EIF4G3: variants seen among roughly 807,000 people sequenced by gnomAD.
EIF4G3 encodes eukaryotic translation initiation factor 4 gamma 3.
EIF4G3 carries 34 observed loss-of-function variants against 186.4 expected under a neutral mutation model. The ratio of observed to expected loss-of-function variants is 0.18; its 90% CI spans 0.14 to 0.24. The LOEUF is 0.24. Among genes scored for constraint, EIF4G3 ranks in the 10% least tolerant of loss-of-function variants. The pLI is 1.00. For synonymous variants in EIF4G3, 673 were observed against 679.5 expected, an observed-to-expected ratio of 0.99 and a Z score of 0.15; for missense variants, 1,536 against 1,948.5, an observed-to-expected ratio of 0.79 and a Z score of 3.99.
intron 14 of EIF4G3, chr1:20,941,143 G>T: frequency 1.5e-6 from 2 of 1,356,238 alleles, no homozygotes; most frequent in Non-Finnish European, 2.0e-6. Flanking sequence ...GACCATCCTG[G>T]TTTTTTGTTT....
intron 19 of EIF4G3, among the ~76,000 whole-genome samples, chr1:20,885,475 G>C (rs986034476): frequency 1.3e-5 from 2 of 152,176 alleles, no homozygotes; most frequent in East Asian, 3.8e-4. Flanking sequence ...CATGGTGAGA[G>C]AAAAGATATA....
intron 33 of EIF4G3, among the ~76,000 whole-genome samples, chr1:20,821,662 C>T (rs922004287): frequency 2.0e-5 from 3 of 150,330 alleles, no homozygotes; most frequent in Admixed American, 2.0e-4. Flanking sequence ...CACCACCTTC[C>T]CTATTACGTA....
intron 14 of EIF4G3, among the ~76,000 whole-genome samples, chr1:20,911,515 C>T (rs1462424231): frequency 7.2e-6 from 1 of 138,160 alleles, no homozygotes; most frequent in South Asian, 2.3e-4. Flanking sequence ...GAGCTATGAC[C>T]GTGCCACTGT....
At chr1:20,957,905 T>A (rs1395013584) in intron 12 of EIF4G3, among the ~76,000 whole-genome samples, 1 of 152,084 alleles carries the variant, frequency 6.6e-6, no homozygotes, top group Non-Finnish European at 1.5e-5. Flanking sequence ...TCAGTAATTT[T>A]AAAATTTCCA....
chr1:20,879,185 G>A (rs985095755), intron 20 of EIF4G3, 138 bp downstream of exon 20: 2 of 597,588 alleles, frequency 3.3e-6, no homozygotes, highest in Non-Finnish European at 5.1e-6. Flanking sequence ...CTTTAATAAT[G>A]AGAATATTAT....
At chr1:21,097,624 T>C (rs1461770816) in intron 2 of EIF4G3, among the ~76,000 whole-genome samples, 1 of 152,044 alleles carries the variant, frequency 6.6e-6, no homozygotes, top group East Asian at 1.9e-4. Context: ...TAAAAACAAA[T>C]CAATGAACAG....
Position 20,817,552 on chromosome 1 carries a change from G to A in EIF4G3, c.4369-14C>T, listed in dbSNP as rs200856702. Reference sequence around the variant, plus strand: ...GAAGTCCAACTTCTGAAACATAAAAGGTGGAACATATTAATATATTAATAT... The same window carrying A: ...GAAGTCCAACTTCTGAAACATAAAAAGTGGAACATATTAATATATTAATAT... On this transcript the variant is annotated splice_polypyrimidine_tract_variant and intron_variant, in intron 33 of 36. Coordinates refer to ENST00000602326, the MANE Select transcript of EIF4G3 (RefSeq NM_001391906.1). 4.9e-5 allele frequency: 76 copies of A among 1,539,368 alleles called. No homozygotes were observed. The Admixed American group carries it at 7.1e-4, about 14-fold the overall frequency.
At chr1:21,132,950 T>C (rs1016877909) in intron 2 of EIF4G3, among the ~76,000 whole-genome samples, 1 of 151,412 alleles carries the variant, frequency 6.6e-6, no homozygotes, top group South Asian at 2.1e-4. Context: ...GCCCAGCTAA[T>C]TTTTGTATTT....
intron 4 of EIF4G3, among the ~76,000 whole-genome samples, chr1:21,035,698 G>A (rs1461253871): frequency 1.3e-5 from 2 of 152,254 alleles, no homozygotes; most frequent in Admixed American, 6.5e-5. Flanking sequence ...TAGCCTGTGG[G>A]CATCCCTTGG....
At chr1:21,061,639 G>A (rs2094917814) in intron 3 of EIF4G3, among the ~76,000 whole-genome samples, 1 of 151,846 alleles carries the variant, frequency 6.6e-6, no homozygotes, top group African/African-American at 2.4e-5. Context: ...AAAAGGCAAA[G>A]CTAAAATTTA....
chr1:21,095,390 CT>C (rs1161787810), intron 2 of EIF4G3, among the ~76,000 whole-genome samples: 1 of 152,188 alleles, frequency 6.6e-6, no homozygotes, highest in African/African-American at 2.4e-5. Context: ...TCACAGCTGA[CT>C]GCAGCCTCAA....
chr1:20,880,475 A>G (rs1222166131), intron 19 of EIF4G3, among the ~76,000 whole-genome samples: 1 of 152,208 alleles, frequency 6.6e-6, no homozygotes, highest in Non-Finnish European at 1.5e-5. Flanking sequence ...GCAAAAGGTC[A>G]GGCGTGGTGG....
intron 11 of EIF4G3, 62 bp from the exon 12 acceptor site, chr1:20,969,658 A>T: frequency 1.3e-6 from 2 of 1,543,622 alleles, no homozygotes; most frequent in Non-Finnish European, 1.8e-6. Context: ...ATTTATAGGC[A>T]TATAAGTGAG....
chr1:21,170,262 G>A (rs1042089480), intron 2 of EIF4G3, among the ~76,000 whole-genome samples: 2 of 152,138 alleles, frequency 1.3e-5, no homozygotes, highest in African/African-American at 4.8e-5. Flanking sequence ...TATTCTAGGT[G>A]CTAGCAATTC....
intron 22 of EIF4G3, among the ~76,000 whole-genome samples, chr1:20,863,378 T>TAAA (rs3051243): frequency 5.9e-5 from 6 of 102,472 alleles, no homozygotes; most frequent in African/African-American, 1.6e-4. Flanking sequence ...CTACAAAAAG[T>TAAA]AAAAAAAAAA....
At chr1:21,022,217 A>G in intron 4 of EIF4G3, among the ~76,000 whole-genome samples, 1 of 152,254 alleles carries the variant, frequency 6.6e-6, no homozygotes, top group East Asian at 1.9e-4. Context: ...TAAGAAATGA[A>G]ATAGTACTGG....
At chr1:21,141,225 C>G (rs2097331273) in intron 2 of EIF4G3, among the ~76,000 whole-genome samples, 1 of 152,130 alleles carries the variant, frequency 6.6e-6, no homozygotes, top group Non-Finnish European at 1.5e-5. Flanking sequence ...CCAACTCCAA[C>G]TGGGGCTCTT....
rs147073994 is a variant in EIF4G3 at position 20,958,166 on chromosome 1, C to T, written c.715-8055G>A. The stretch of plus-strand genomic sequence containing the variant: ...AACTGTCAACAAAATACTAGCTAAC[C>T]AAATGCAACAGCACATCAAAAAGAT... On this transcript the variant is annotated intron_variant, in intron 12 of 36. Transcript: ENST00000602326. 9.4e-3 allele frequency among the ~76,000 whole-genome samples: 1,424 copies of T among 152,178 alleles called. 10 individuals are homozygous for T. Among genetic ancestry groups the T allele is most frequent in the South Asian group, 0.025 (120 of 4,826 alleles).
intron 2 of EIF4G3, among the ~76,000 whole-genome samples, chr1:21,129,084 G>A (rs2097102810): frequency 6.6e-6 from 1 of 151,820 alleles, no homozygotes; most frequent in Non-Finnish European, 1.5e-5. Context: ...GGAGGCCGAG[G>A]CGGGTGGATC....
Sources: gnomAD v4.1 joint callset for allele counts (sites outside exome capture counted in the v4.1 genomes callset) on GRCh38, gnomAD v4.1.1 for gene constraint, MANE v1.5 for transcripts, NCBI Gene and HGNC (gene_info 2026-07-23, HGNC 2026-07-21) for gene names.